The following B4GALT6 variants were observed in gnomAD, a reference collection of about 807,000 sequenced individuals.
B4GALT6 encodes the protein beta-1,4-galactosyltransferase 6.
Under a neutral mutation model 46.3 loss-of-function variants are expected in B4GALT6, and 14 were observed. That is an observed-to-expected ratio of 0.30 (90% CI 0.20 to 0.47). The LOEUF is 0.47. B4GALT6 is among the 20% of genes least tolerant of loss of function. The pLI is 0.99. For missense variants in B4GALT6, 386 were observed against 480.1 expected (o/e 0.80, Z 1.83); for synonymous variants, 168 against 162.0 (o/e 1.04, Z -0.28).
rs944346632 is a variant in B4GALT6, at chr18:31,645,275, C to T, written c.471+80G>A. On this transcript the variant is annotated intron_variant, in intron 4 of 8. Transcript: ENST00000306851. ...TTTATCAAGACTTAAAGACATTTGT[C>T]TCTGTATTCTGAATCAAGCACATTC... 2.3e-5 allele frequency: 36 copies of T among 1,550,604 alleles called. No homozygotes were observed. The East Asian group carries it at 8.1e-4, about 35-fold the overall frequency.
At chr18:31,710,169 T>C in the B4GALT6 span, among the ~76,000 whole-genome samples, 2 of 151,718 alleles carry the variant, frequency 1.3e-5, no homozygotes, top group South Asian at 2.1e-4. Context: ...CAGACAATTG[T>C]CTGGTAACAA....
At chr18:31,652,049 C>T (rs370147521) in intron 3 of B4GALT6, among the ~76,000 whole-genome samples, 1 of 152,124 alleles carries the variant, frequency 6.6e-6, no homozygotes, top group African/African-American at 2.4e-5. Context: ...GGATTACAGG[C>T]GTGAGCCACG....
chr18:31,689,471 G>A (rs1010937646), upstream of B4GALT6, among the ~76,000 whole-genome samples: 7 of 152,218 alleles, frequency 4.6e-5, no homozygotes, highest in South Asian at 1.2e-3. Context: ...TGGGCCGGGC[G>A]CAATGGTTCA....
intron 5 of B4GALT6, among the ~76,000 whole-genome samples, chr18:31,637,062 A>T (rs144780842): frequency 1.6e-3 from 241 of 152,122 alleles, no homozygotes; most frequent in African/African-American, 5.5e-3. Flanking sequence ...CATGTGATCC[A>T]CCCACATCAG....
chr18:31,700,371 T>C, the B4GALT6 span, among the ~76,000 whole-genome samples: 1 of 151,876 alleles, frequency 6.6e-6, no homozygotes, highest in East Asian at 1.9e-4. Context: ...TGAAACTTCA[T>C]ACTCTGTGAA....
chr18:31,645,560 G>A (rs2073982105), intron 3 of B4GALT6, 81 bp from the exon 4 acceptor site: 5 of 1,413,444 alleles, frequency 3.5e-6, no homozygotes, highest in Non-Finnish European at 3.8e-6. Context: ...TCAGCAGGGT[G>A]ATGGCATATC....
the B4GALT6 span, among the ~76,000 whole-genome samples, chr18:31,723,815 C>T: frequency 1.3e-5 from 2 of 152,168 alleles, no homozygotes; most frequent in Non-Finnish European, 2.9e-5. Flanking sequence ...TTCCCTATGG[C>T]CAAGAGGAGG....
chr18:31,635,034 A>G (rs2073840753), intron 5 of B4GALT6, among the ~76,000 whole-genome samples: 1 of 152,124 alleles, frequency 6.6e-6, no homozygotes, highest in Admixed American at 6.5e-5. Flanking sequence ...CAAGGTCAGG[A>G]GATCGAGACC....
chr18:31,689,709 A>G (rs1424420660), upstream of B4GALT6, among the ~76,000 whole-genome samples: 5 of 151,854 alleles, frequency 3.3e-5, no homozygotes, highest in South Asian at 2.1e-4. Context: ...ACACCACCGC[A>G]CTCCATCCTG....
intron 3 of B4GALT6, among the ~76,000 whole-genome samples, chr18:31,650,395 C>G (rs1026370703): frequency 4.6e-5 from 7 of 152,210 alleles, no homozygotes; most frequent in African/African-American, 1.7e-4. Context: ...AGCTAGAACC[C>G]ACTCTCCAAA....
chr18:31,713,321 C>T, the B4GALT6 span, among the ~76,000 whole-genome samples: 1 of 152,206 alleles, frequency 6.6e-6, no homozygotes, highest in African/African-American at 2.4e-5. Flanking sequence ...TGCTGCACTC[C>T]AGCCCGGGCA....
intron 4 of B4GALT6, among the ~76,000 whole-genome samples, chr18:31,640,016 T>G (rs891515935): frequency 6.6e-6 from 1 of 152,158 alleles, no homozygotes; most frequent in Non-Finnish European, 1.5e-5. Flanking sequence ...TTATTATTAT[T>G]GTGAATTTTC....
chr18:31,663,938 C>T (rs755012306), intron 2 of B4GALT6, among the ~76,000 whole-genome samples: 6 of 152,206 alleles, frequency 3.9e-5, no homozygotes, highest in Non-Finnish European at 7.3e-5. Flanking sequence ...CCATTCTTCC[C>T]TTTCCCCGTA....
chr18:31,684,347 G>C lies in B4GALT6; in HGVS notation c.80C>G (p.Ser27Cys), dbSNP rs758575753. 2.5e-6 allele frequency: 4 copies of C among 1,613,884 alleles called. No individual in the cohort carries two copies. In the South Asian group the frequency reaches 3.3e-5, roughly 13 times the overall value. Residue 27 changes from serine (S) to cysteine (C), a missense_variant, in exon 1 of 9, where the codon TCC (serine) becomes TGC (cysteine). Around this residue, in one of 2 missense-constraint regions of B4GALT6, gnomAD observed 63 missense variants for 41.3 expected, o/e 1.53. Coordinates refer to ENST00000306851, the MANE Select transcript of B4GALT6 (RefSeq NM_004775.5). ...AFIFFFSLSS[S>C]CLYFIYVAPG... ...GGCCACATAGATGAAGTACAGACAG[G>C]ACGAAGAGAGGGAGAAGAAGAAGAT...
intron 1 of B4GALT6, among the ~76,000 whole-genome samples, chr18:31,675,208 T>C (rs1217769278): frequency 6.6e-6 from 1 of 152,260 alleles, no homozygotes; most frequent in Non-Finnish European, 1.5e-5. Flanking sequence ...CTGGAGAATC[T>C]TTGTGTTTGA....
At chr18:31,679,049 A>G (rs536457422) in intron 1 of B4GALT6, among the ~76,000 whole-genome samples, 32 of 152,344 alleles carry the variant, frequency 2.1e-4, no homozygotes, top group African/African-American at 7.2e-4. Context: ...TGGAATACCT[A>G]TTACACACAG....
chr18:31,685,114 G>A (rs1246066424), upstream of B4GALT6, among the ~76,000 whole-genome samples: 1 of 146,466 alleles, frequency 6.8e-6, no homozygotes, highest in Non-Finnish European at 1.5e-5. Context: ...GCGCCCCGCG[G>A]CCGCCGCGGG....
At chr18:31,665,011 CAT>C (rs1314700491) in intron 2 of B4GALT6, among the ~76,000 whole-genome samples, 1 of 152,140 alleles carries the variant, frequency 6.6e-6, no homozygotes, top group African/African-American at 2.4e-5. Context: ...TATAGAAGCA[CAT>C]GTGATATTAA....
the B4GALT6 span, among the ~76,000 whole-genome samples, chr18:31,704,971 T>C: frequency 1.3e-4 from 20 of 152,308 alleles, no homozygotes; most frequent in African/African-American, 4.8e-4. Context: ...CAAAAGAATT[T>C]GACGTAACTT....
Sources: gnomAD v4.1 joint callset for allele counts (sites outside exome capture counted in the v4.1 genomes callset) on GRCh38, gnomAD v4.1.1 for gene constraint, gnomAD v4.1.1 regional missense constraint, MANE v1.5 for transcripts, NCBI Gene and HGNC (gene_info 2026-07-23, HGNC 2026-07-21) for gene names.